The following RERE variants were observed in gnomAD, a reference collection of about 807,000 sequenced individuals.
RERE encodes the protein arginine-glutamic acid dipeptide repeats.
Under a neutral mutation model 146.1 loss-of-function variants are expected in RERE, and 40 were observed. The ratio of observed to expected loss-of-function variants is 0.27; its 90% CI spans 0.21 to 0.36. RERE has a LOEUF of 0.36. Among genes scored for constraint, RERE ranks in the 10% least tolerant of loss-of-function variants. The probability of loss-of-function intolerance (pLI) is 1.00; values close to 1 mark genes in which losing one functional copy is unlikely to be tolerated. For missense variants in RERE, 1,933 were observed against 2,138.7 expected (o/e 0.90, Z 1.90); for synonymous variants, 1,003 against 866.0 (o/e 1.16, Z -2.78).
chr1:8,754,747 C>G (rs1640603697), intron 1 of RERE, among the ~76,000 whole-genome samples: 1 of 152,214 alleles, frequency 6.6e-6, no homozygotes, highest in Admixed American at 6.5e-5. Context: ...TAACATCTGT[C>G]TTTCTGATTA....
chr1:8,809,157 A>AAAAAAAAATAAAAAAAAAAAAT (rs985140466), intron 1 of RERE, among the ~76,000 whole-genome samples: 2 of 146,122 alleles, frequency 1.4e-5, no homozygotes, highest in African/African-American at 5.5e-5. Context: ...AAAAAAAAAA[A>AAAAAAAAATAAAAAAAAAAAAT]AAAGTACTGA....
chr1:8,776,880 C>A (rs1031687652), intron 1 of RERE, among the ~76,000 whole-genome samples: 11 of 151,570 alleles, frequency 7.3e-5, no homozygotes, highest in African/African-American at 2.7e-4. Context: ...CCACCATGGC[C>A]AACTAATTTT....
chr1:8,515,743 G>A (rs1457547925), intron 7 of RERE, among the ~76,000 whole-genome samples: 1 of 152,076 alleles, frequency 6.6e-6, no homozygotes, highest in African/African-American at 2.4e-5. Flanking sequence ...AAGCCAGGGT[G>A]GTCATCAACT....
intron 1 of RERE, among the ~76,000 whole-genome samples, chr1:8,788,403 T>C (rs974902407): frequency 6.6e-6 from 1 of 151,254 alleles, no homozygotes; most frequent in Non-Finnish European, 1.5e-5. Context: ...TTCCTCTTGT[T>C]GCCCAGGCTG....
intron 12 of RERE, among the ~76,000 whole-genome samples, chr1:8,392,564 C>T (rs911678104): frequency 6.6e-6 from 1 of 152,138 alleles, no homozygotes; most frequent in Non-Finnish European, 1.5e-5. Context: ...CATAAACACC[C>T]ACTTTGAACA....
At chr1:8,670,447 A>G (rs974162079) in intron 1 of RERE, among the ~76,000 whole-genome samples, 2 of 152,194 alleles carry the variant, frequency 1.3e-5, no homozygotes, top group African/African-American at 4.8e-5. Flanking sequence ...AGAGATTACA[A>G]TCTAGTGGGG....
intron 1 of RERE, among the ~76,000 whole-genome samples, chr1:8,666,006 A>ATG (rs1297540582): frequency 1.3e-5 from 2 of 152,188 alleles, no homozygotes; most frequent in African/African-American, 4.8e-5. Context: ...TCACACAACT[A>ATG]TGTGTGAGAC....
rs1220090248 is a variant in RERE at position 8,699,426 on chromosome 1, T to C, written c.-144-42985A>G. Reference sequence around the variant, plus strand: ...TAAAAATTGAGTAAAATTATGCTAATTTTCCTATTGACTAAGCATCAACAT... The same window carrying C: ...TAAAAATTGAGTAAAATTATGCTAACTTTCCTATTGACTAAGCATCAACAT... On this transcript the variant is annotated intron_variant, in intron 1 of 22. Transcript: ENST00000400908. Among the ~76,000 whole-genome samples the C allele has an allele frequency of 1.3e-5, 2 of 152,230 alleles. 1 individual carries two copies. The highest frequency in any genetic ancestry group is 4.8e-5 in the African/African-American group (2 of 41,454).
intron 7 of RERE, among the ~76,000 whole-genome samples, chr1:8,514,773 G>A (rs1240405893): frequency 6.6e-6 from 1 of 151,730 alleles, no homozygotes; most frequent in East Asian, 1.9e-4. Context: ...GACAAGACAA[G>A]AAAAGAAAAG....
intron 1 of RERE, among the ~76,000 whole-genome samples, chr1:8,813,163 G>A (rs1641844967): frequency 6.6e-6 from 1 of 152,188 alleles, no homozygotes; most frequent in South Asian, 2.1e-4. Flanking sequence ...TAATTAACTA[G>A]AGCACAGCAT....
chr1:8,360,394 G>C lies in RERE; in HGVS notation c.3113C>G (p.Pro1038Arg), dbSNP rs1309267177. Residue 1038 changes from proline (P) to arginine (R), a missense_variant, in exon 18 of 23, where the codon CCC (proline) becomes CGC (arginine). Around this residue, in one of 11 missense-constraint regions of RERE, gnomAD observed 1,255 missense variants for 1,153.8 expected, o/e 1.09. Transcript: ENST00000400908. Reference sequence around the variant, plus strand: ...GGGAGGAGGGCCTCCAGGGACAAAGGGGTGCTGAGCAAACGGGGGTTGGGG... The same window carrying C: ...GGGAGGAGGGCCTCCAGGGACAAAGCGGTGCTGAGCAAACGGGGGTTGGGG... ...VAPQPPFAQH[P>R]FVPGGPPPIT... 2 of 1,427,000 alleles carry C rather than the reference G, an allele frequency of 1.4e-6. No individual in the cohort carries two copies. Among genetic ancestry groups the C allele is most frequent in the Non-Finnish European group, 1.8e-6 (2 of 1,091,690 alleles). The allele number at this position is 1,427,000 out of a possible 1,614,324, so 88.4% of individuals were successfully genotyped here.
intron 1 of RERE, among the ~76,000 whole-genome samples, chr1:8,678,834 A>G (rs1638902715): frequency 6.6e-6 from 1 of 152,216 alleles, no homozygotes; most frequent in Admixed American, 6.5e-5. Flanking sequence ...AAAACCACAA[A>G]ATGTCTAGAC....
chr1:8,543,897 G>A (rs1303609327), intron 6 of RERE, among the ~76,000 whole-genome samples: 1 of 152,154 alleles, frequency 6.6e-6, no homozygotes, highest in Non-Finnish European at 1.5e-5. Flanking sequence ...TTCTCTATTT[G>A]ATTCTGTTTG....
intron 1 of RERE, among the ~76,000 whole-genome samples, chr1:8,666,582 C>T (rs1322592745): frequency 1.5e-4 from 23 of 152,174 alleles, no homozygotes; most frequent in Admixed American, 1.5e-3. Context: ...ATGGCTTTTG[C>T]TCTGGAAAGG....
chr1:8,491,674 C>T (rs547012854), intron 10 of RERE, among the ~76,000 whole-genome samples: 7 of 152,074 alleles, frequency 4.6e-5, no homozygotes, highest in Non-Finnish European at 5.9e-5. Context: ...AAACCAATTG[C>T]AGTTTTAAAA....
intron 20 of RERE, among the ~76,000 whole-genome samples, chr1:8,357,909 G>A (rs775992178): frequency 9.2e-5 from 14 of 152,352 alleles, no homozygotes; most frequent in South Asian, 2.1e-4. Flanking sequence ...TGCCCTGTGG[G>A]CCTAGGCCAC....
intron 4 of RERE, among the ~76,000 whole-genome samples, chr1:8,611,209 A>G (rs756142667): frequency 1.3e-5 from 2 of 151,454 alleles, no homozygotes; most frequent in Non-Finnish European, 2.9e-5. Context: ...AACAACAACA[A>G]CAAAACATAC....
intron 4 of RERE, among the ~76,000 whole-genome samples, chr1:8,577,397 C>G (rs1366493652): frequency 6.6e-6 from 1 of 152,000 alleles, no homozygotes; most frequent in Non-Finnish European, 1.5e-5. Flanking sequence ...GTCTGACCAA[C>G]AGAATTGGAA....
intron 16 of RERE, 127 bp from the exon 17 acceptor site, chr1:8,362,003 GC>G (rs1315587299): frequency 1.5e-6 from 1 of 665,580 alleles, no homozygotes; most frequent in Non-Finnish European, 2.6e-6. Flanking sequence ...GGAGCAAAAA[GC>G]TCTAGAAGGG....
Sources: allele counts gnomAD v4.1 joint callset (sites outside exome capture counted in the v4.1 genomes callset), GRCh38; gene constraint gnomAD v4.1.1; regional missense constraint gnomAD v4.1.1; transcripts MANE v1.5; gene names NCBI Gene and HGNC (gene_info 2026-07-23, HGNC 2026-07-21).